The following PCGF6 variants were observed in gnomAD, a reference collection of about 807,000 sequenced individuals.
The protein encoded by PCGF6 is polycomb group ring finger 6, also known as polycomb group RING finger protein 6.
PCGF6 carries 24 observed loss-of-function variants against 45.5 expected under a neutral mutation model. That is an observed-to-expected ratio of 0.53 (90% confidence interval 0.38 to 0.74). The LOEUF (loss-of-function observed/expected upper bound fraction) is 0.74, where lower values mean the gene tolerates loss of function less well. Ranked by LOEUF, PCGF6 falls within the 30% of genes least tolerant of loss-of-function variation. The probability of loss-of-function intolerance (pLI) is 0.00; values close to 1 mark genes in which losing one functional copy is unlikely to be tolerated. For synonymous variants in PCGF6, 152 were observed against 162.1 expected (o/e 0.94, Z 0.47); for missense variants, 356 against 443.2 (o/e 0.80, Z 1.77).
At chr10:103,323,981 C>T (rs2093207219) in intron 8 of PCGF6, among the ~76,000 whole-genome samples, 1 of 152,026 alleles carries the variant, frequency 6.6e-6, no homozygotes, top group Admixed American at 6.6e-5. Context: ...ACTCTGTCGC[C>T]CAGGCTGGAG....
chr10:103,336,302 T>C (rs545867262), intron 6 of PCGF6, among the ~76,000 whole-genome samples: 20 of 151,272 alleles, frequency 1.3e-4, no homozygotes, highest in Non-Finnish European at 2.4e-4. Context: ...GAAATATTTA[T>C]ATATTATAAA....
At chr10:103,347,544 A>G in intron 3 of PCGF6, 94 bp from the exon 4 acceptor site, 1 of 999,494 alleles carries the variant, frequency 1.0e-6, no homozygotes, top group Non-Finnish European at 1.5e-6. Context: ...GAGAGTGGGT[A>G]TCTTTTTTCT....
chr10:103,315,169 T>C (rs1288698741), intron 8 of PCGF6, among the ~76,000 whole-genome samples: 1 of 152,048 alleles, frequency 6.6e-6, no homozygotes, highest in South Asian at 2.1e-4. Flanking sequence ...CCTTTGGTAA[T>C]TGCAAAGCTC....
intron 8 of PCGF6, among the ~76,000 whole-genome samples, chr10:103,323,958 G>A (rs1048859923): frequency 6.7e-6 from 1 of 149,896 alleles, no homozygotes; most frequent in South Asian, 2.1e-4. Flanking sequence ...CTATTTTTTT[G>A]AGACAGATTA....
intron 8 of PCGF6, among the ~76,000 whole-genome samples, chr10:103,314,854 C>T (rs764933678): frequency 4.8e-5 from 7 of 144,412 alleles, no homozygotes; most frequent in Non-Finnish European, 1.0e-4. Flanking sequence ...ACTTGGGAGG[C>T]TGAGGCAGGA....
chr10:103,318,631 G>A (rs1270650185), intron 8 of PCGF6, among the ~76,000 whole-genome samples: 1 of 151,722 alleles, frequency 6.6e-6, no homozygotes, highest in Admixed American at 6.6e-5. Flanking sequence ...TGTAATCCCA[G>A]CTACTCAGGA....
At chr10:103,330,642 G>A (rs1041358875) in intron 7 of PCGF6, among the ~76,000 whole-genome samples, 5 of 152,042 alleles carry the variant, frequency 3.3e-5, no homozygotes, top group Non-Finnish European at 7.4e-5. Flanking sequence ...CTAAAAAGAC[G>A]CCTGGCTGGG....
intron 8 of PCGF6, among the ~76,000 whole-genome samples, chr10:103,322,277 T>C (rs2093200407): frequency 6.6e-6 from 1 of 152,078 alleles, no homozygotes; most frequent in Non-Finnish European, 1.5e-5. Context: ...CATGGATCAC[T>C]GTAGCCTGGA....
chr10:103,333,856 G>T, intron 7 of PCGF6, 69 bp downstream of exon 7: 1 of 1,133,382 alleles, frequency 8.8e-7, no homozygotes, highest in Non-Finnish European at 1.3e-6. Flanking sequence ...CCATTTGGTT[G>T]CTAATCTGAC....
chr10:103,349,123 C>T lies in PCGF6; in HGVS notation c.361-124G>A. ...AGTGCAGTGATGTCATCTCGGTTCA[C>T]TGCAACCTCCGCCTCCTGGATTAAA... On this transcript the variant is annotated intron_variant, in intron 1 of 9. Transcript: ENST00000369847. 4.0e-6 allele frequency: 3 copies of T among 746,052 alleles called. No homozygotes were observed. The Middle Eastern group carries it at 7.6e-4, about 190-fold the overall frequency. 46.2% of individuals were successfully genotyped at this position (746,052 alleles called of 1,614,324 possible). A position where few individuals can be genotyped will look rare whatever the true frequency, so the allele number is the denominator to read the frequency against.
At chr10:103,336,193 C>T (rs1297571423) in intron 6 of PCGF6, among the ~76,000 whole-genome samples, 1 of 150,902 alleles carries the variant, frequency 6.6e-6, no homozygotes, top group Non-Finnish European at 1.5e-5. Context: ...AAGATCATGC[C>T]ACTGCACTCC....
At chr10:103,332,761 G>C (rs1254902788) in intron 7 of PCGF6, among the ~76,000 whole-genome samples, 1 of 152,084 alleles carries the variant, frequency 6.6e-6, no homozygotes, top group Non-Finnish European at 1.5e-5. Flanking sequence ...ATTTCCTAAA[G>C]CTGAACACCA....
chr10:103,312,464 T>G (rs1485451818), intron 9 of PCGF6: 6 of 153,176 alleles, frequency 3.9e-5, no homozygotes, highest in Non-Finnish European at 5.9e-5. Context: ...GATCACCAGC[T>G]GCCCAAGTAC....
At chr10:103,330,296 A>G (rs557497120) in intron 7 of PCGF6, among the ~76,000 whole-genome samples, 2 of 151,292 alleles carry the variant, frequency 1.3e-5, no homozygotes, top group Admixed American at 1.3e-4. Context: ...GGCTGGTCTC[A>G]ACTCCTAACT....
chr10:103,327,551 A>G (rs1273852293), intron 7 of PCGF6, among the ~76,000 whole-genome samples: 1 of 152,184 alleles, frequency 6.6e-6, no homozygotes, highest in African/African-American at 2.4e-5. Flanking sequence ...ATGTTGCCAT[A>G]AAAGGACACT....
chr10:103,314,453 T>C (rs539771510), intron 8 of PCGF6, among the ~76,000 whole-genome samples, 181 bp from the exon 9 acceptor site: 8 of 152,168 alleles, frequency 5.3e-5, no homozygotes, highest in African/African-American at 1.9e-4. Flanking sequence ...TAAGGTAACA[T>C]GGGAAGAGCA....
intron 7 of PCGF6, 68 bp downstream of exon 7, chr10:103,333,857 C>T (rs2093248148): frequency 8.5e-7 from 1 of 1,177,862 alleles, no homozygotes; most frequent in Non-Finnish European, 1.2e-6. Flanking sequence ...CATTTGGTTG[C>T]TAATCTGACT....
chr10:103,347,946 T>G (rs2093305769), intron 3 of PCGF6, among the ~76,000 whole-genome samples: 1 of 152,202 alleles, frequency 6.6e-6, no homozygotes, highest in Admixed American at 6.5e-5. Context: ...CACTCCTGTG[T>G]GAAGGTAGTA....
At position 103,348,698 on chromosome 10, in the gene PCGF6, T is replaced by C. The variant is rs4917387; in HGVS notation, c.557+18A>G. On this transcript the variant is annotated intron_variant, in intron 3 of 9. Coordinates refer to ENST00000369847, the MANE Select transcript of PCGF6 (RefSeq NM_001011663.2). ...AAGTATATTTAAAATACAATTGTAA[T>C]TTATATATTCTTCTTACCTTATGTT... The C allele has an allele frequency of 0.45, 650,560 of 1,438,802 alleles. 151,429 individuals are homozygous for C. Among genetic ancestry groups the C allele is most frequent in the South Asian group, 0.65 (52,528 of 80,738 alleles). The allele number at this position is 1,438,802 out of a possible 1,614,324, so 89.1% of individuals were successfully genotyped here.
Sources: allele counts gnomAD v4.1 joint callset (sites outside exome capture counted in the v4.1 genomes callset), GRCh38; gene constraint gnomAD v4.1.1; transcripts MANE v1.5; gene names NCBI Gene and HGNC (gene_info 2026-07-23, HGNC 2026-07-21).